Variants in KIF14 observed in about 807,000 individuals in gnomAD.
KIF14 encodes the protein kinesin-like protein KIF14.
Under a neutral mutation model 176.2 loss-of-function variants are expected in KIF14, and 98 were observed. That is an observed-to-expected ratio of 0.56 (90% CI 0.47 to 0.66). The LOEUF (loss-of-function observed/expected upper bound fraction) is 0.66, where lower values mean the gene tolerates loss of function less well. Among genes scored for constraint, KIF14 ranks in the 30% least tolerant of loss-of-function variants. KIF14 has a pLI of 0.00. For missense variants in KIF14, 1,751 were observed against 1,920.4 expected (o/e 0.91, Z 1.65); for synonymous variants, 566 against 632.2 (o/e 0.90, Z 1.57).
intron 26 of KIF14, among the ~76,000 whole-genome samples, chr1:200,560,307 T>C (rs1416569402): frequency 1.3e-5 from 2 of 152,164 alleles, no homozygotes; most frequent in Non-Finnish European, 2.9e-5. Flanking sequence ...AGCCTTACTC[T>C]GTCACCCAGG....
At chr1:200,560,985 G>T in intron 25 of KIF14, 105 bp from the exon 26 acceptor site, 1 of 1,031,988 alleles carries the variant, frequency 9.7e-7, no homozygotes. Context: ...AATTCCAGCA[G>T]TTTGGGAGGC....
At position 200,552,069 on chromosome 1, in the gene KIF14, T is replaced by G. The variant is rs928325669; in HGVS notation, c.*1319A>C. The G allele has an allele frequency of 6.6e-6, 1 of 152,214 alleles. No homozygotes were observed. Among genetic ancestry groups the G allele is most frequent in the African/African-American group, 2.4e-5 (1 of 41,458 alleles). The allele number at this position is 152,214 out of a possible 1,614,324, so 9.4% of individuals were successfully genotyped here. ...ATTTATTCATGGTACGAATGGCCAA[T>G]TTCAACTAGTTATGCCAAATGTACA... On this transcript the variant is annotated 3_prime_UTR_variant, in exon 30 of 30. Coordinates refer to ENST00000367350, the MANE Select transcript of KIF14 (RefSeq NM_014875.3).
Position 200,554,602 on chromosome 1 carries a change from C to T in KIF14, c.4433G>A (p.Ser1478Asn). ...ENIFAESKIK[S>N]FRRQVQEENF... ...TTCTTCTTGTACTTGCCTTCTGAAA[C>T]TTTTCTGTATAAATAAAGTTAATAT... The change falls in exon 29 of 30, where the codon AGT becomes AAT. Residue 1478 changes from serine (S) to asparagine (N), a missense_variant. Coordinates refer to ENST00000367350, the MANE Select transcript of KIF14 (RefSeq NM_014875.3). The T allele has an allele frequency of 6.8e-7, 1 of 1,466,920 alleles. No homozygotes were observed. The highest frequency in any genetic ancestry group is 9.4e-7 in the Non-Finnish European group (1 of 1,059,546). 90.9% of individuals were successfully genotyped at this position (1,466,920 alleles called of 1,614,324 possible). A position where few individuals can be genotyped will look rare whatever the true frequency, so the allele number is the denominator to read the frequency against.
chr1:200,596,900 T>C (rs1659378863), intron 14 of KIF14, among the ~76,000 whole-genome samples: 1 of 142,972 alleles, frequency 7.0e-6, no homozygotes, highest in African/African-American at 2.6e-5. Flanking sequence ...TTTTTTTTTT[T>C]TTTTTTTTTT....
intron 17 of KIF14, 134 bp downstream of exon 17, chr1:200,589,991 A>G (rs960675957): frequency 6.7e-6 from 6 of 890,246 alleles, no homozygotes; most frequent in Non-Finnish European, 1.0e-5. Flanking sequence ...GAGGGCCAAG[A>G]CTCACTGTGG....
At chr1:200,590,532 A>C (rs1158169543) in intron 16 of KIF14, among the ~76,000 whole-genome samples, 2 of 152,224 alleles carry the variant, frequency 1.3e-5, no homozygotes, top group African/African-American at 4.8e-5. Context: ...AAATAAAATC[A>C]GTGCTTTAGT....
chr1:200,571,775 G>C (rs1348026325), intron 22 of KIF14, among the ~76,000 whole-genome samples: 1 of 151,998 alleles, frequency 6.6e-6, no homozygotes, highest in Non-Finnish European at 1.5e-5. Context: ...TTCTACTTAG[G>C]GGTGAAAAAA....
At chr1:200,568,918 G>A (rs996390919) in intron 23 of KIF14, among the ~76,000 whole-genome samples, 11 of 134,292 alleles carry the variant, frequency 8.2e-5, no homozygotes, top group Non-Finnish European at 1.6e-4. Context: ...TTAGCAGGTA[G>A]TAATTTTTTT....
At chr1:200,594,593 AT>A (rs1467682742) in intron 14 of KIF14, among the ~76,000 whole-genome samples, 1 of 152,132 alleles carries the variant, frequency 6.6e-6, no homozygotes, top group Non-Finnish European at 1.5e-5. Context: ...AAGACATCTA[AT>A]TTACTGGATG....
In KIF14 at chr1:200,586,228, C is replaced by T. The variant is rs1658730510; in HGVS notation, c.3115-1G>A. On this transcript the variant is annotated splice_acceptor_variant, in intron 18 of 29. Coordinates refer to ENST00000367350, the MANE Select transcript of KIF14 (RefSeq NM_014875.3). LOFTEE classifies it high-confidence loss of function. ...GGCGGATGCTATGGTCTTCTAAAGCCTAATTGATATTCATTCATACAGACC... is the reference window on the plus strand; with the variant it reads ...GGCGGATGCTATGGTCTTCTAAAGCTTAATTGATATTCATTCATACAGACC... 1.3e-6 allele frequency: 2 copies of T among 1,580,632 alleles called. No individual in the cohort carries two copies. Among genetic ancestry groups the T allele is most frequent in the Non-Finnish European group, 1.7e-6 (2 of 1,160,060 alleles).
chr1:200,563,629 C>T (rs1657281994), intron 25 of KIF14, among the ~76,000 whole-genome samples: 1 of 152,124 alleles, frequency 6.6e-6, no homozygotes, highest in African/African-American at 2.4e-5. Context: ...AAGTCCCAGG[C>T]TTAACTGATC....
At chr1:200,605,187 A>T in intron 8 of KIF14, 96 bp downstream of exon 8, 14 of 1,212,976 alleles carry the variant, frequency 1.2e-5, no homozygotes, top group Non-Finnish European at 1.6e-5. Context: ...CAGGGTGAAA[A>T]CTGAATGAGA....
At chr1:200,571,191 T>C (rs887434927) in intron 22 of KIF14, among the ~76,000 whole-genome samples, 25 of 152,108 alleles carry the variant, frequency 1.6e-4, no homozygotes, top group Admixed American at 1.4e-3. Context: ...GGCAGCTGTC[T>C]GTAGTCCCAG....
chr1:200,578,662 T>G (rs898960691), intron 21 of KIF14, among the ~76,000 whole-genome samples: 1 of 151,566 alleles, frequency 6.6e-6, no homozygotes, highest in Non-Finnish European at 1.5e-5. Flanking sequence ...ATTTGCCAAA[T>G]TAAAAATGCC....
At chr1:200,591,455 C>T (rs1659047494) in intron 16 of KIF14, among the ~76,000 whole-genome samples, 1 of 152,226 alleles carries the variant, frequency 6.6e-6, no homozygotes, top group Non-Finnish European at 1.5e-5. Flanking sequence ...TGTCTCACGT[C>T]TGCTCAAAAT....
At chr1:200,600,915 C>A (rs113640267) in intron 11 of KIF14, among the ~76,000 whole-genome samples, 3,741 of 152,252 alleles carry the variant, frequency 0.025, 92 homozygotes, top group Non-Finnish European at 0.034. Context: ...TTTATTTAGA[C>A]AGAGTCTCAC....
At position 200,613,870 on chromosome 1, in the gene KIF14, C is replaced by G. The variant is rs552353599; in HGVS notation, c.1455+448G>C. 2.0e-5 allele frequency among the ~76,000 whole-genome samples: 3 copies of G among 152,280 alleles called. No individual in the cohort carries two copies. In the South Asian group the frequency reaches 6.2e-4, roughly 32 times the overall value. On this transcript the variant is annotated intron_variant, in intron 4 of 29. Transcript: ENST00000367350. ...AAGTGAAATAGGAAGCCAGTACAGC[C>G]TATTCAGGTGTAGTAGAGTGGAAAA...
chr1:200,590,016 T>C, intron 17 of KIF14, 109 bp downstream of exon 17: 4 of 1,120,546 alleles, frequency 3.6e-6, no homozygotes, highest in Non-Finnish European at 2.5e-6. Flanking sequence ...GATTCACTAA[T>C]CTCTGATCTC....
intron 22 of KIF14, among the ~76,000 whole-genome samples, 190 bp downstream of exon 22, chr1:200,575,401 C>T (rs1301912925): frequency 6.6e-6 from 1 of 152,038 alleles, no homozygotes; most frequent in African/African-American, 2.4e-5. Flanking sequence ...ATTTAATGCC[C>T]TAAGTGCTGT....
Sources: allele counts gnomAD v4.1 joint callset (sites outside exome capture counted in the v4.1 genomes callset), GRCh38; gene constraint gnomAD v4.1.1; transcripts MANE v1.5; gene names NCBI Gene and HGNC (gene_info 2026-07-23, HGNC 2026-07-21).